The following CHD3 variants were observed in gnomAD, a reference collection of about 807,000 sequenced individuals.
CHD3 encodes the protein chromodomain helicase DNA binding protein 3, also known as ATP-dependent chromatin remodeler CHD3.
In CHD3, 52 loss-of-function variants were observed where a neutral mutation model predicts 248.9. That is an observed-to-expected ratio of 0.21 (90% confidence interval 0.17 to 0.26). CHD3 has a LOEUF of 0.26. Among genes scored for constraint, CHD3 ranks in the 10% least tolerant of loss-of-function variants. The pLI is 1.00. For synonymous variants in CHD3, 985 were observed against 985.2 expected (o/e 1.00, Z 0.00); for missense variants, 1,482 against 2,605.8 (o/e 0.57, Z 9.39).
Position 7,906,114 on chromosome 17 carries a change from A to G in CHD3, c.4358+125A>G, listed in dbSNP as rs749083605. ...TGATTATCACCCTCCCTGTCATACAATACTTCCTGGCTCGATTTCCTGGGG... is the reference window on the plus strand; with the variant it reads ...TGATTATCACCCTCCCTGTCATACAGTACTTCCTGGCTCGATTTCCTGGGG... On this transcript the variant is annotated intron_variant, in intron 28 of 39. Coordinates refer to ENST00000330494, the MANE Select transcript of CHD3 (RefSeq NM_001005273.3). The surrounding 1 kb of genome is among the most constrained non-coding windows in gnomAD (Gnocchi z 5.0). The G allele has an allele frequency of 2.0e-5, 28 of 1,409,104 alleles. No homozygotes were observed. The highest frequency in any genetic ancestry group is 1.8e-4 in the Middle Eastern group (1 of 5,702). The allele number at this position is 1,409,104 out of a possible 1,614,324, so 87.3% of individuals were successfully genotyped here. A position where few individuals can be genotyped will look rare whatever the true frequency, so the allele number is the denominator to read the frequency against.
At chr17:7,902,291 G>A (rs1157215687) in intron 20 of CHD3, among the ~76,000 whole-genome samples, 4 of 151,884 alleles carry the variant, frequency 2.6e-5, no homozygotes, top group South Asian at 4.2e-4. Flanking sequence ...GCGTGGTGGC[G>A]CACACCTGTA....
Position 7,888,899 on chromosome 17 carries a change from G to A in CHD3, c.-102G>A. 1 of 1,564,460 alleles carries A rather than the reference G, an allele frequency of 6.4e-7. No individual in the cohort carries two copies. Among genetic ancestry groups the A allele is most frequent in the South Asian group, 1.2e-5 (1 of 83,488 alleles). On this transcript the variant is annotated 5_prime_UTR_variant, in exon 1 of 40. The change abolishes the stop of an existing upstream ORF in the 5' untranslated region. Coordinates refer to ENST00000330494, the MANE Select transcript of CHD3 (RefSeq NM_001005273.3). The stretch of plus-strand genomic sequence containing the variant: ...GGGAAACAAAGGGTATGGCCCCCTA[G>A]TTCCCAAAGGGAGCAGGGAGATGGG...
upstream of CHD3, chr17:7,884,847 AGAT>A: frequency 9.5e-7 from 1 of 1,049,094 alleles, no homozygotes; most frequent in South Asian, 1.7e-5. Context: ...GAGGAGGAGG[AGAT>A]GGTGGTGTCG....
In CHD3 at chr17:7,900,839, T is replaced by C. The variant is rs1970214303; in HGVS notation, c.2979-13T>C. The stretch of plus-strand genomic sequence containing the variant: ...TATTTATGTTTCTTTTACACCCCTT[T>C]CCTGGCCTTTAGGAAATACTACAAA... On this transcript the variant is annotated splice_polypyrimidine_tract_variant and intron_variant, in intron 18 of 39. Coordinates refer to ENST00000330494, the MANE Select transcript of CHD3 (RefSeq NM_001005273.3). This position sits in a 1 kb window ranked among gnomAD's most constrained non-coding sequence, Gnocchi z 6.5. 1 of 1,613,758 alleles carries C rather than the reference T, an allele frequency of 6.2e-7. No homozygotes were observed. The highest frequency in any genetic ancestry group is 1.3e-5 in the African/African-American group (1 of 74,878).
chr17:7,908,329 C>A lies in CHD3; in HGVS notation c.5153-73C>A. On this transcript the variant is annotated intron_variant, in intron 34 of 39. Transcript: ENST00000330494. This position sits in a 1 kb window ranked among gnomAD's most constrained non-coding sequence, Gnocchi z 5.8. ...CCCTTTCATTATTCAGTTTCTCCAT[C>A]TCTACCTGTCTGTTGGACTGAGTGC... is the stretch of plus-strand genomic sequence containing the variant. The A allele has an allele frequency of 8.3e-7, 1 of 1,197,902 alleles. No homozygotes were observed. Among genetic ancestry groups the A allele is most frequent in the Non-Finnish European group, 1.2e-6 (1 of 823,534 alleles). The allele number at this position is 1,197,902 out of a possible 1,614,324, so 74.2% of individuals were successfully genotyped here.
In CHD3 at chr17:7,897,137, G is replaced by A. The variant is rs1321788106; in HGVS notation, c.1762G>A (p.Asp588Asn). Reference protein sequence around the residue: ...YRNYQRKNDMDEPPPLDYGSG... With the variant: ...YRNYQRKNDMNEPPPLDYGSG... Reference sequence around the variant, plus strand: ...AAACTACCAGCGGAAGAATGACATGGATGAGCCCCCACCCCTGGACTATGG... The same window carrying A: ...AAACTACCAGCGGAAGAATGACATGAATGAGCCCCCACCCCTGGACTATGG... The change falls in exon 11 of 40, where the codon GAT (aspartate) becomes AAT (asparagine). Residue 588 changes from aspartate (D) to asparagine (N), a missense_variant. By Grantham distance (23) the Asp-to-Asn change is conservative (BLOSUM62 1). Coordinates refer to ENST00000330494, the MANE Select transcript of CHD3 (RefSeq NM_001005273.3). This position sits in a 1 kb window ranked among gnomAD's most constrained non-coding sequence, Gnocchi z 4.8. The A allele has an allele frequency of 3.1e-6, 5 of 1,614,178 alleles. 1 individual carries two copies. The highest frequency in any genetic ancestry group is 4.2e-6 in the Non-Finnish European group (5 of 1,180,030).
At chr17:7,893,669 G>A in intron 5 of CHD3, 100 bp downstream of exon 5, 2 of 1,528,452 alleles carry the variant, frequency 1.3e-6, no homozygotes, top group East Asian at 2.3e-5. Context: ...GATTGCTGGA[G>A]GAGAGATGCT....
rs747464671 is a variant in CHD3 at position 7,894,107 on chromosome 17, A to G, written c.925-8A>G. 1 of 1,612,550 alleles carries G rather than the reference A, an allele frequency of 6.2e-7. No individual in the cohort carries two copies. The highest frequency in any genetic ancestry group is 8.5e-7 in the Non-Finnish European group (1 of 1,179,076). On this transcript the variant is annotated splice_polypyrimidine_tract_variant and splice_region_variant and intron_variant, in intron 6 of 39. Coordinates refer to ENST00000330494, the MANE Select transcript of CHD3 (RefSeq NM_001005273.3). The stretch of plus-strand genomic sequence containing the variant: ...CTGCCTCACTGACGGCCACGGGGCT[A>G]TGGGCAGTATGTTTTTCAGAGCGAC...
At position 7,910,732 on chromosome 17, in the gene CHD3, C is replaced by T; in HGVS notation, c.5755-115C>T. The stretch of plus-strand genomic sequence containing the variant: ...CATCACCCTTGAGTGAGTCTCCCTG[C>T]CTGTGTATCCTACCCTTAGCAGTTG... On this transcript the variant is annotated intron_variant, in intron 38 of 39. Coordinates refer to ENST00000330494, the MANE Select transcript of CHD3 (RefSeq NM_001005273.3). The surrounding 1 kb of genome is among the most constrained non-coding windows in gnomAD (Gnocchi z 4.7). The T allele has an allele frequency of 6.7e-7, 1 of 1,503,212 alleles. No individual in the cohort carries two copies. Among genetic ancestry groups the T allele is most frequent in the Non-Finnish European group, 9.0e-7 (1 of 1,115,170 alleles). The allele number at this position is 1,503,212 out of a possible 1,614,324, so 93.1% of individuals were successfully genotyped here. A position where few individuals can be genotyped will look rare whatever the true frequency, so the allele number is the denominator to read the frequency against.
At chr17:7,888,737 T>TGC, upstream of CHD3, 1 of 1,089,504 alleles carries the variant, frequency 9.2e-7, no homozygotes, top group Non-Finnish European at 1.2e-6. Flanking sequence ...GGTGCGCGCG[T>TGC]GCGCGCGCGT....
intron 7 of CHD3, 21 bp from the exon 8 acceptor site, chr17:7,894,394 C>G (rs774614302): frequency 1.3e-6 from 2 of 1,599,748 alleles, no homozygotes; most frequent in Admixed American, 3.4e-5. Context: ...TTCCTTATCC[C>G]TCCACCGGGG....
chr17:7,890,529 T>C (rs762425529), intron 2 of CHD3, 42 bp from the exon 3 acceptor site: 2 of 1,368,502 alleles, frequency 1.5e-6, no homozygotes, highest in South Asian at 1.4e-5. Flanking sequence ...TTTCTGGCAA[T>C]GGTAGGGATG....
Position 7,895,114 on chromosome 17 carries a change from C to T in CHD3, c.1467C>T (p.Asp489=). The change falls in exon 9 of 40, where the codon GAC becomes GAT. Residue 489 remains aspartate, a synonymous_variant. Transcript: ENST00000330494. The surrounding 1 kb of genome is among the most constrained non-coding windows in gnomAD (Gnocchi z 4.9). The stretch of plus-strand genomic sequence containing the variant: ...ATTGTCTAAACCCTCCCCTGCCTGA[C>T]ATTCCCAATGGTGAATGGCTGTGTC... ...HIHCLNPPLP[D]IPNGEWLCPR... 1 of 1,614,124 alleles carries T rather than the reference C, an allele frequency of 6.2e-7. No homozygotes were observed. Among genetic ancestry groups the T allele is most frequent in the Non-Finnish European group, 8.5e-7 (1 of 1,179,998 alleles).
Position 7,900,398 on chromosome 17 carries a change from C to A in CHD3, c.2791C>A (p.Pro931Thr), listed in dbSNP as rs770837931. 1 of 1,613,988 alleles carries A rather than the reference C, an allele frequency of 6.2e-7. No individual in the cohort carries two copies. Among genetic ancestry groups the A allele is most frequent in the East Asian group, 2.2e-5 (1 of 44,866 alleles). Residue 931 changes from proline to threonine, a missense_variant, in exon 17 of 40, where the codon CCA becomes ACA. This residue lies in a region of CHD3 where 36 missense variants were observed against 189.3 expected (regional missense o/e 0.19). Coordinates refer to ENST00000330494, the MANE Select transcript of CHD3 (RefSeq NM_001005273.3). This position sits in a 1 kb window ranked among gnomAD's most constrained non-coding sequence, Gnocchi z 6.5. ...CTTCCATCTCCTGAACTTCCTCACC[C>A]CAGAGAGATTTAAGTAAGTGGTTCC... ...ELFHLLNFLT[P>T]ERFNNLEGFL...
Position 7,902,926 on chromosome 17 carries a change from T to C in CHD3, c.3371-11T>C. 1 of 1,613,950 alleles carries C rather than the reference T, an allele frequency of 6.2e-7. No homozygotes were observed. Among genetic ancestry groups the C allele is most frequent in the South Asian group, 1.1e-5 (1 of 91,064 alleles). On this transcript the variant is annotated splice_polypyrimidine_tract_variant and intron_variant, in intron 21 of 39. Transcript: ENST00000330494. ...GTACAAGAAAAACCTGATCCAACTC[T>C]CACCTCCTAGCTCCTGGGGCCCAAC...
In CHD3 at chr17:7,889,672, G is replaced by A. The variant is rs774624950; in HGVS notation, c.109G>A (p.Asp37Asn). 7 of 1,612,064 alleles carry A rather than the reference G, an allele frequency of 4.3e-6. No homozygotes were observed. The highest frequency in any genetic ancestry group is 1.3e-5 in the African/African-American group (1 of 74,998). The change falls in exon 2 of 40, where the codon GAC (aspartate) becomes AAC (asparagine). Residue 37 changes from aspartate (D) to asparagine (N), a missense_variant. Transcript: ENST00000330494. This position sits in a 1 kb window ranked among gnomAD's most constrained non-coding sequence, Gnocchi z 4.5. ...CWGDRMPDKD[D>N]IRLLPSALGV... ...TGCTTTTTGCTTCAAAGATAAGGAT[G>A]ACATTCGGCTGCTGCCGTCAGCATT...
upstream of CHD3, chr17:7,885,102 TC>T (rs994749718): frequency 4.1e-5 from 39 of 953,566 alleles, no homozygotes; most frequent in South Asian, 4.8e-5. Context: ...CCGCCCCGAC[TC>T]CCCCCCCAAG....
In CHD3 at chr17:7,894,183, C is replaced by A; in HGVS notation, c.993C>A (p.Val331=). 6.2e-7 allele frequency: 1 copy of A among 1,614,150 alleles called. No individual in the cohort carries two copies. Among genetic ancestry groups the A allele is most frequent in the Non-Finnish European group, 8.5e-7 (1 of 1,180,004 alleles). The change falls in exon 7 of 40, where the codon GTC becomes GTA. Residue 331 remains valine (V), a synonymous_variant. Transcript: ENST00000330494. ...AEESDLDSGS[V]HSASGRPDGP... ...AATCAGACCTGGACAGTGGCAGTGT[C>A]CACAGTGCCTCAGGCCGGCCTGATG...
rs551054331 is a variant in CHD3, at chr17:7,893,227, A to G, written c.510-59A>G. On this transcript the variant is annotated intron_variant, in intron 4 of 39. Coordinates refer to ENST00000330494, the MANE Select transcript of CHD3 (RefSeq NM_001005273.3). ...ACATAGATTTAATTGATGAGGGGAG[A>G]TGGCAGTGTTCCCAGACCATCTGTG... 1.8e-4 allele frequency: 269 copies of G among 1,507,628 alleles called. 1 individual carries two copies. The highest frequency in any genetic ancestry group is 2.4e-5 in the Non-Finnish European group (27 of 1,124,658). 93.4% of individuals were successfully genotyped at this position (1,507,628 alleles called of 1,614,324 possible).
Sources: gnomAD v4.1 joint callset for allele counts (sites outside exome capture counted in the v4.1 genomes callset) on GRCh38, gnomAD v4.1.1 for gene constraint, gnomAD v4.1.1 regional missense constraint, Gnocchi (gnomAD v3.1) non-coding constraint, MANE v1.5 for transcripts, NCBI Gene and HGNC (gene_info 2026-07-23, HGNC 2026-07-21) for gene names.